The following CNOT10 variants were observed in gnomAD, a reference collection of about 807,000 sequenced individuals.
The protein encoded by CNOT10 is CCR4-NOT transcription complex, subunit 10.
Under a neutral mutation model 94.6 loss-of-function variants are expected in CNOT10, and 30 were observed. The observed-to-expected ratio is 0.32, with a 90% confidence interval of 0.24 to 0.43. The LOEUF (loss-of-function observed/expected upper bound fraction) is 0.43, where lower values mean the gene tolerates loss of function less well. Ranked by LOEUF, CNOT10 falls within the 20% of genes least tolerant of loss-of-function variation. CNOT10 has a pLI of 1.00. For synonymous variants in CNOT10, 289 were observed against 301.6 expected (o/e 0.96, Z 0.43); for missense variants, 759 against 877.2 (o/e 0.87, Z 1.70).
At chr3:32,733,295 C>CA (rs1699038173) in intron 10 of CNOT10, 128 bp from the exon 11 acceptor site, 6 of 660,930 alleles carry the variant, frequency 9.1e-6, no homozygotes, top group Non-Finnish European at 1.2e-5. Flanking sequence ...CCATTATCAC[C>CA]AAAAAAAGTC....
intron 17 of CNOT10, among the ~76,000 whole-genome samples, chr3:32,767,062 T>TA (rs1178500116): frequency 1.3e-5 from 2 of 152,308 alleles, no homozygotes; most frequent in Admixed American, 6.5e-5. Context: ...GACACCTTCC[T>TA]AAAAAGGGAA....
chr3:32,736,339 G>A lies in CNOT10; in HGVS notation c.1515-1071G>A, dbSNP rs7637390. Among the ~76,000 whole-genome samples, 1,139 of 152,086 alleles carry A rather than the reference G, an allele frequency of 7.5e-3. 20 individuals carry two copies. Among genetic ancestry groups the A allele is most frequent in the African/African-American group, 0.026 (1,081 of 41,476 alleles). ...TTACCTCAAGTGATCCTCCCTCCTC[G>A]GCCTCCCAGAGTGCTGAGATTGCAG... On this transcript the variant is annotated intron_variant, in intron 12 of 18. Transcript: ENST00000328834.
chr3:32,754,752 T>C lies in CNOT10; in HGVS notation c.1596-4706T>C, dbSNP rs1333275409. Among the ~76,000 whole-genome samples, 5 of 149,392 alleles carry C rather than the reference T, an allele frequency of 3.3e-5. No individual in the cohort carries two copies. The East Asian group carries it at 1.1e-3, about 32-fold the overall frequency. ...AGTCAGGCTGGTCTCAAACTCCTAA[T>C]CTCAGGTGATCAGCCTGCCTCGGCC... On this transcript the variant is annotated intron_variant, in intron 13 of 18. Transcript: ENST00000328834.
chr3:32,769,723 C>T, intron 17 of CNOT10, 164 bp from the exon 18 acceptor site: 1 of 591,260 alleles, frequency 1.7e-6, no homozygotes, highest in Non-Finnish European at 3.1e-6. Flanking sequence ...GGTTTTAAGA[C>T]AAAAGGAACT....
At chr3:32,726,681 G>A (rs1192609242) in intron 9 of CNOT10, among the ~76,000 whole-genome samples, 1 of 138,082 alleles carries the variant, frequency 7.2e-6, no homozygotes, top group Non-Finnish European at 1.6e-5. Flanking sequence ...GGGTGACAGA[G>A]CGAGACTCTG....
intron 17 of CNOT10, among the ~76,000 whole-genome samples, chr3:32,768,317 C>T (rs553199407): frequency 7.2e-4 from 110 of 152,034 alleles, no homozygotes; most frequent in African/African-American, 2.4e-3. Flanking sequence ...CACAGTGGCT[C>T]ACATCTGTAA....
rs1409353622 is a variant in CNOT10 at position 32,708,669 on chromosome 3, G to A, written c.280-1G>A. On this transcript the variant is annotated splice_acceptor_variant, in intron 3 of 18. Transcript: ENST00000328834. LOFTEE classifies it high-confidence loss of function. Reference sequence around the variant, plus strand: ...TATAACCTCTGTTGATTGCTTTATAGGTCCACTCAGCTGTTGAAGAAATGG... The same window carrying A: ...TATAACCTCTGTTGATTGCTTTATAAGTCCACTCAGCTGTTGAAGAAATGG... 6.2e-7 allele frequency: 1 copy of A among 1,608,366 alleles called. No homozygotes were observed. Among genetic ancestry groups the A allele is most frequent in the Non-Finnish European group, 8.5e-7 (1 of 1,178,292 alleles).
chr3:32,760,922 A>T (rs1700417311), intron 14 of CNOT10, among the ~76,000 whole-genome samples: 1 of 151,860 alleles, frequency 6.6e-6, no homozygotes, highest in African/African-American at 2.4e-5. Flanking sequence ...TGAGGTCAGG[A>T]GTTGGAGACC....
intron 11 of CNOT10, 141 bp downstream of exon 11, chr3:32,733,685 A>G (rs1699055298): frequency 3.6e-6 from 2 of 552,504 alleles, no homozygotes; most frequent in Non-Finnish European, 6.0e-6. Flanking sequence ...ATTTCAACAA[A>G]CAGACCCTCA....
At chr3:32,687,446 T>TTTTTG (rs1165968391) in intron 1 of CNOT10, among the ~76,000 whole-genome samples, 6 of 72,924 alleles carry the variant, frequency 8.2e-5, no homozygotes, top group South Asian at 5.5e-4. Flanking sequence ...ACGGTTTTTT[T>TTTTTG]TTTTTGTTTT....
intron 1 of CNOT10, among the ~76,000 whole-genome samples, chr3:32,694,764 A>G (rs1575202479): frequency 6.6e-6 from 1 of 151,890 alleles, no homozygotes; most frequent in African/African-American, 2.4e-5. Flanking sequence ...TAATTTTTGT[A>G]TTTTTAGTAG....
rs1701008524 is a variant in CNOT10, at chr3:32,773,745, C to T, written c.*134C>T. ...AGTCAATTCTACCCCTGACATTTGGCCAAAAGCTTACTTAAAATTAAGGAT... is the reference window on the plus strand; with the variant it reads ...AGTCAATTCTACCCCTGACATTTGGTCAAAAGCTTACTTAAAATTAAGGAT... On this transcript the variant is annotated 3_prime_UTR_variant, in exon 19 of 19. Coordinates refer to ENST00000328834, the MANE Select transcript of CNOT10 (RefSeq NM_015442.3). The T allele has an allele frequency of 8.5e-6, 7 of 818,928 alleles. No homozygotes were observed. In the South Asian group the frequency reaches 1.8e-4, roughly 21 times the overall value. The allele number at this position is 818,928 out of a possible 1,614,324, so 50.7% of individuals were successfully genotyped here.
intron 14 of CNOT10, among the ~76,000 whole-genome samples, chr3:32,762,117 C>T (rs1011508231): frequency 3.5e-5 from 5 of 141,888 alleles, no homozygotes; most frequent in Non-Finnish European, 7.6e-5. Context: ...TGGTGTTGTT[C>T]TTGTGTAGAA....
In CNOT10 at chr3:32,721,427, A is replaced by G. The variant is rs1319247422; in HGVS notation, c.862+1196A>G. On this transcript the variant is annotated intron_variant, in intron 8 of 18. Transcript: ENST00000328834. ...TGAAGTGAGACCTAATTTTTCTTTC[A>G]TCTTTTTTTTTTTTTTTTTTTTTTT... is the stretch of plus-strand genomic sequence containing the variant. Among the ~76,000 whole-genome samples the G allele has an allele frequency of 5.9e-5, 3 of 50,788 alleles. No homozygotes were observed. In the East Asian group the frequency reaches 1.8e-3, roughly 31 times the overall value. 33.3% of individuals were successfully genotyped at this position (50,788 alleles called of 152,430 possible).
intron 4 of CNOT10, among the ~76,000 whole-genome samples, chr3:32,710,628 C>T (rs1347336479): frequency 6.6e-6 from 1 of 152,082 alleles, no homozygotes; most frequent in African/African-American, 2.4e-5. Context: ...CTGTTCATTC[C>T]CTTTCTACCT....
intron 13 of CNOT10, among the ~76,000 whole-genome samples, chr3:32,754,489 A>ATATAT (rs1553637887): frequency 0.069 from 4,798 of 69,904 alleles, 496 homozygotes; most frequent in Non-Finnish European, 0.086. Context: ...AAAAAAAAAA[A>ATATAT]ATACATATAT....
rs534327584 is a variant in CNOT10 at position 32,763,410 on chromosome 3, G to A, written c.1840+547G>A. 2.0e-5 allele frequency among the ~76,000 whole-genome samples: 3 copies of A among 152,248 alleles called. No homozygotes were observed. In the East Asian group the frequency reaches 5.8e-4, roughly 29 times the overall value. ...TCACACCTGTAATCCCAACACTTTG[G>A]GAGGCCGAGGCAGGTGGATCACCTG... is the stretch of plus-strand genomic sequence containing the variant. On this transcript the variant is annotated intron_variant, in intron 15 of 18. Coordinates refer to ENST00000328834, the MANE Select transcript of CNOT10 (RefSeq NM_015442.3).
intron 5 of CNOT10, among the ~76,000 whole-genome samples, chr3:32,713,695 A>C (rs1697988632): frequency 6.6e-6 from 1 of 152,194 alleles, no homozygotes; most frequent in South Asian, 2.1e-4. Flanking sequence ...CCGTTAATCT[A>C]ATTACTGTCT....
In CNOT10 at chr3:32,737,441, C is replaced by G; in HGVS notation, c.1546C>G (p.Pro516Ala). Residue 516 changes from proline (P) to alanine (A), a missense_variant, in exon 13 of 19, where the codon CCA becomes GCA. By Grantham distance (27) the Pro-to-Ala change is conservative (BLOSUM62 -1). Coordinates refer to ENST00000328834, the MANE Select transcript of CNOT10 (RefSeq NM_015442.3). ...AAGCCATGATGGAGATAAATTCATT[C>G]CAGCTCCACCTTCTTCTCCATTGAG... ...SKSHDGDKFI[P>A]APPSSPLRKQ... The G allele has an allele frequency of 6.2e-7, 1 of 1,611,782 alleles. No individual in the cohort carries two copies. Among genetic ancestry groups the G allele is most frequent in the Non-Finnish European group, 8.5e-7 (1 of 1,178,142 alleles).
Sources: allele counts gnomAD v4.1 joint callset (sites outside exome capture counted in the v4.1 genomes callset), GRCh38; gene constraint gnomAD v4.1.1; transcripts MANE v1.5; gene names NCBI Gene and HGNC (gene_info 2026-07-23, HGNC 2026-07-21).